Variants in CNTNAP5 observed in about 807,000 individuals in gnomAD.
CNTNAP5 encodes contactin associated protein family member 5.
In CNTNAP5, 72 loss-of-function variants were observed where a neutral mutation model predicts 150.2. The ratio of observed to expected loss-of-function variants is 0.48; its 90% CI spans 0.40 to 0.58. The LOEUF (loss-of-function observed/expected upper bound fraction) is 0.58, where lower values mean the gene tolerates loss of function less well. Ranked by LOEUF, CNTNAP5 falls within the 20% of genes least tolerant of loss-of-function variation. The pLI, the probability that CNTNAP5 is intolerant of heterozygous loss-of-function variation, is 0.00. For synonymous variants in CNTNAP5, 672 were observed against 619.8 expected, an observed-to-expected ratio of 1.08 and a Z score of -1.25; for missense variants, 1,636 against 1,626.2, an observed-to-expected ratio of 1.01 and a Z score of -0.10.
intron 1 of CNTNAP5, among the ~76,000 whole-genome samples, chr2:124,065,473 C>A (rs1384917254): frequency 6.6e-6 from 1 of 152,090 alleles, no homozygotes; most frequent in Non-Finnish European, 1.5e-5. Context: ...CAGCTCTGCC[C>A]ACCACTAAAG....
rs1347306249 is a variant in CNTNAP5 at position 124,914,374 on chromosome 2, T to C, written c.*86T>C. The stretch of plus-strand genomic sequence containing the variant: ...CTCTCCTGTCTTTTGATTTGGTCAT[T>C]CTCTTTATTTTCTGCTTGCCATGTC... On this transcript the variant is annotated 3_prime_UTR_variant, in exon 24 of 24. Transcript: ENST00000682447. The C allele has an allele frequency of 2.0e-6, 2 of 985,420 alleles. No individual in the cohort carries two copies. Among genetic ancestry groups the C allele is most frequent in the African/African-American group, 3.3e-5 (2 of 61,158 alleles). The allele number at this position is 985,420 out of a possible 1,614,324, so 61.0% of individuals were successfully genotyped here.
Position 124,711,203 on chromosome 2 carries a change from G to A in CNTNAP5, c.2078-36026G>A, listed in dbSNP as rs187782973. Among the ~76,000 whole-genome samples, 1,095 of 152,014 alleles carry A rather than the reference G, an allele frequency of 7.2e-3. 10 individuals carry two copies. The highest frequency in any genetic ancestry group is 0.012 in the Non-Finnish European group (827 of 67,990). On this transcript the variant is annotated intron_variant, in intron 13 of 23. Coordinates refer to ENST00000682447, the MANE Select transcript of CNTNAP5 (RefSeq NM_001367498.1). ...GGAGAACAGCTTGAACCTGGGAGGC[G>A]GAGGTTGTGGTGAACAGAGTTCACA...
At chr2:124,841,951 C>A (rs992022785) in intron 19 of CNTNAP5, among the ~76,000 whole-genome samples, 25 of 150,060 alleles carry the variant, frequency 1.7e-4, no homozygotes, top group African/African-American at 5.8e-4. Context: ...CTGTAGTTAC[C>A]AAAACTTAAA....
intron 1 of CNTNAP5, among the ~76,000 whole-genome samples, chr2:124,140,041 A>AAATC (rs772551344): frequency 5.0e-4 from 76 of 152,192 alleles, no homozygotes; most frequent in Admixed American, 8.5e-4. Context: ...CGCACCTGGA[A>AAATC]AATCGGGTCA....
At chr2:124,857,672 A>G (rs946774579) in intron 19 of CNTNAP5, among the ~76,000 whole-genome samples, 2 of 146,790 alleles carry the variant, frequency 1.4e-5, no homozygotes, top group Admixed American at 1.3e-4. Flanking sequence ...CTAAAAAAAA[A>G]AGAAAAAAAA....
intron 1 of CNTNAP5, among the ~76,000 whole-genome samples, chr2:124,197,352 A>G (rs1342534896): frequency 6.6e-6 from 1 of 152,230 alleles, no homozygotes; most frequent in African/African-American, 2.4e-5. Flanking sequence ...CTTCATATAA[A>G]TAAATTGAGT....
chr2:124,467,214 T>C (rs1391659680), intron 6 of CNTNAP5, among the ~76,000 whole-genome samples: 2 of 152,200 alleles, frequency 1.3e-5, no homozygotes, highest in African/African-American at 4.8e-5. Context: ...AGTACCTGTG[T>C]TGCAGTTCCA....
intron 13 of CNTNAP5, among the ~76,000 whole-genome samples, chr2:124,657,605 A>T (rs62171285): frequency 0.27 from 40,972 of 152,122 alleles, 6,341 homozygotes; most frequent in Non-Finnish European, 0.35. Context: ...TCAAAATTAG[A>T]TTATATAACC....
At chr2:124,468,081 G>A (rs1273486483) in intron 6 of CNTNAP5, among the ~76,000 whole-genome samples, 1 of 152,140 alleles carries the variant, frequency 6.6e-6, no homozygotes, top group Non-Finnish European at 1.5e-5. Flanking sequence ...GGAGGCAAAA[G>A]ACTTGCATCA....
intron 10 of CNTNAP5, among the ~76,000 whole-genome samples, chr2:124,558,837 G>T (rs1695821999): frequency 6.6e-6 from 1 of 152,134 alleles, no homozygotes; most frequent in South Asian, 2.1e-4. Context: ...GGCTGACCTA[G>T]AGAGAGCATG....
At chr2:124,647,608 T>C (rs1205940781) in intron 12 of CNTNAP5, 150 bp from the exon 13 acceptor site, 5 of 635,920 alleles carry the variant, frequency 7.9e-6, no homozygotes, top group East Asian at 2.9e-5. Context: ...TGGAGCTCCA[T>C]GGGGAAACAC....
At chr2:124,111,720 C>A (rs953857557) in intron 1 of CNTNAP5, among the ~76,000 whole-genome samples, 1 of 152,216 alleles carries the variant, frequency 6.6e-6, no homozygotes, top group African/African-American at 2.4e-5. Flanking sequence ...ATAAAAATTT[C>A]TATGACATCC....
At chr2:124,188,910 G>A (rs1055237073) in intron 1 of CNTNAP5, among the ~76,000 whole-genome samples, 4 of 151,796 alleles carry the variant, frequency 2.6e-5, no homozygotes, top group Admixed American at 1.3e-4. Flanking sequence ...TAACCTAAAG[G>A]GTTTCACATC....
intron 7 of CNTNAP5, among the ~76,000 whole-genome samples, chr2:124,492,574 A>C (rs533248080): frequency 4.7e-4 from 71 of 152,286 alleles, no homozygotes; most frequent in African/African-American, 1.7e-3. Context: ...TTTCGGTTTC[A>C]TACAAATGTA....
In CNTNAP5 at chr2:124,574,387, A is replaced by G. The variant is rs768582486; in HGVS notation, c.1756+11064A>G. Among the ~76,000 whole-genome samples the G allele has an allele frequency of 4.6e-5, 7 of 152,224 alleles. 1 individual carries two copies. Among genetic ancestry groups the G allele is most frequent in the Non-Finnish European group, 7.3e-5 (5 of 68,036 alleles). ...TGACTCAGAATAAGAATGTGATATA[A>G]TCTCACTCAATAGTTTCTATTTCTT... On this transcript the variant is annotated intron_variant, in intron 11 of 23. Coordinates refer to ENST00000682447, the MANE Select transcript of CNTNAP5 (RefSeq NM_001367498.1).
At chr2:124,185,014 A>C (rs1215916562) in intron 1 of CNTNAP5, among the ~76,000 whole-genome samples, 1 of 152,302 alleles carries the variant, frequency 6.6e-6, no homozygotes, top group East Asian at 1.9e-4. Flanking sequence ...TGAACTTTTC[A>C]ATTTCTTCCC....
intron 14 of CNTNAP5, among the ~76,000 whole-genome samples, chr2:124,761,389 G>T (rs1680952338): frequency 6.6e-6 from 1 of 152,062 alleles, no homozygotes; most frequent in Non-Finnish European, 1.5e-5. Flanking sequence ...GCCTTCATCT[G>T]CAGTTTATTG....
Position 124,647,951 on chromosome 2 carries a change from C to A in CNTNAP5, c.2070C>A (p.Asn690Lys). 6.3e-7 allele frequency: 1 copy of A among 1,598,020 alleles called. No homozygotes were observed. Among genetic ancestry groups the A allele is most frequent in the Non-Finnish European group, 8.5e-7 (1 of 1,172,886 alleles). Residue 690 changes from asparagine (N) to lysine (K), a missense_variant, in exon 13 of 24, where the codon AAC becomes AAA. Asn to Lys is a moderately conservative substitution (Grantham distance 94, BLOSUM62 0). Coordinates refer to ENST00000682447, the MANE Select transcript of CNTNAP5 (RefSeq NM_001367498.1). ...ACTGCAGGAGGTCCCGCCTGCTCAA[C>A]ACGCCGGGTAAGGCCTCTGCATGCA... ...AYHCRRSRLLNTPDGTPFTWW... is the reference protein window; with the variant it reads ...AYHCRRSRLLKTPDGTPFTWW...
intron 3 of CNTNAP5, among the ~76,000 whole-genome samples, chr2:124,264,583 T>C (rs758724395): frequency 7.9e-5 from 12 of 152,148 alleles, no homozygotes; most frequent in Non-Finnish European, 1.8e-4. Context: ...AGGGATGTAC[T>C]AACACAGGGC....
Sources: allele counts gnomAD v4.1 joint callset (sites outside exome capture counted in the v4.1 genomes callset), GRCh38; gene constraint gnomAD v4.1.1; transcripts MANE v1.5; gene names NCBI Gene and HGNC (gene_info 2026-07-23, HGNC 2026-07-21).